The following CMKLR1 variants were observed in gnomAD, a reference collection of about 807,000 sequenced individuals.
CMKLR1 encodes the protein chemerin-like receptor 1.
In CMKLR1, 6 loss-of-function variants were observed where a neutral mutation model predicts 8.2. The ratio of observed to expected loss-of-function variants is 0.73; its 90% CI spans 0.40 to 1.44. The LOEUF (loss-of-function observed/expected upper bound fraction) is 1.44, where lower values mean the gene tolerates loss of function less well. CMKLR1 is among the 40% of genes most tolerant of loss of function. CMKLR1 has a pLI of 0.02. For missense variants in CMKLR1, 429 were observed against 478.0 expected, an observed-to-expected ratio of 0.90 and a Z score of 0.96; for synonymous variants, 178 against 181.2, an observed-to-expected ratio of 0.98 and a Z score of 0.14.
chr12:108,335,647 C>G (rs1166587705), intron 1 of CMKLR1, among the ~76,000 whole-genome samples: 1 of 152,216 alleles, frequency 6.6e-6, no homozygotes, highest in Non-Finnish European at 1.5e-5. Flanking sequence ...CAAGGTCACA[C>G]AGTAAGCTCA....
intron 2 of CMKLR1, among the ~76,000 whole-genome samples, chr12:108,299,556 GA>G (rs1808270551): frequency 6.6e-6 from 1 of 152,136 alleles, no homozygotes; most frequent in Non-Finnish European, 1.5e-5. Context: ...CTTTGTTTGG[GA>G]AAAGGGTCTT....
intron 2 of CMKLR1, among the ~76,000 whole-genome samples, chr12:108,311,582 C>T (rs774552858): frequency 3.9e-5 from 6 of 152,204 alleles, no homozygotes; most frequent in Non-Finnish European, 5.9e-5. Context: ...GCTATGATTG[C>T]ACCACTGCGC....
chr12:108,316,295 C>T (rs894095467), intron 2 of CMKLR1, among the ~76,000 whole-genome samples: 7 of 152,146 alleles, frequency 4.6e-5, no homozygotes, highest in Non-Finnish European at 8.8e-5. Flanking sequence ...AGGGCAGGGG[C>T]TCGGCGGGAT....
rs115997139 is a variant in CMKLR1, at chr12:108,303,124, G to C, written c.-73-9460C>G. ...GGGGGCCAAACATGCAGCCCTCAGA[G>C]CTCCACCCGTTTTCCCCGTTAGGCG... On this transcript the variant is annotated intron_variant, in intron 2 of 3. Transcript: ENST00000550402. Among the ~76,000 whole-genome samples the C allele has an allele frequency of 4.0e-3, 608 of 152,320 alleles. 3 individuals are homozygous for C. The highest frequency in any genetic ancestry group is 0.013 in the African/African-American group (561 of 41,588).
At chr12:108,332,143 C>T (rs1892123317) in intron 1 of CMKLR1, among the ~76,000 whole-genome samples, 1 of 152,158 alleles carries the variant, frequency 6.6e-6, no homozygotes, top group African/African-American at 2.4e-5. Flanking sequence ...CTACTCCAGG[C>T]CAAAGAACAT....
chr12:108,310,840 G>A (rs977656563), intron 2 of CMKLR1, among the ~76,000 whole-genome samples: 1 of 152,120 alleles, frequency 6.6e-6, no homozygotes, highest in Non-Finnish European at 1.5e-5. Flanking sequence ...TCAGCAAGGC[G>A]GGTAGGCAGA....
chr12:108,332,031 T>A (rs1003703832), intron 1 of CMKLR1, among the ~76,000 whole-genome samples: 4 of 152,204 alleles, frequency 2.6e-5, no homozygotes, highest in African/African-American at 7.2e-5. Context: ...CACTCAGGAA[T>A]TCATAGATTC....
intron 1 of CMKLR1, among the ~76,000 whole-genome samples, chr12:108,332,002 G>C (rs933933750): frequency 6.6e-6 from 1 of 152,186 alleles, no homozygotes; most frequent in East Asian, 1.9e-4. Flanking sequence ...CTTGCTACCT[G>C]AATTCTTACT....
intron 2 of CMKLR1, among the ~76,000 whole-genome samples, chr12:108,328,555 A>C (rs1352379169): frequency 6.6e-6 from 1 of 152,220 alleles, no homozygotes; most frequent in Non-Finnish European, 1.5e-5. Flanking sequence ...GGTCTGGAGA[A>C]AGCGGAGCAG....
At chr12:108,317,741 T>C (rs1196544743) in intron 2 of CMKLR1, 1 of 152,230 alleles carries the variant, frequency 6.6e-6, no homozygotes, top group Non-Finnish European at 1.5e-5. Flanking sequence ...TGAATTTAAA[T>C]TGCTGACCAG....
chr12:108,307,177 G>T (rs1891431565), intron 2 of CMKLR1, among the ~76,000 whole-genome samples: 1 of 152,222 alleles, frequency 6.6e-6, no homozygotes. Context: ...TGAACACATT[G>T]TAGCCAAAGG....
At chr12:108,324,742 G>A (rs933540684) in intron 2 of CMKLR1, among the ~76,000 whole-genome samples, 2 of 152,204 alleles carry the variant, frequency 1.3e-5, no homozygotes, top group African/African-American at 4.8e-5. Context: ...CTAAGGGAAA[G>A]AGATCCTATT....
chr12:108,314,149 C>T (rs1891658422), intron 2 of CMKLR1, among the ~76,000 whole-genome samples: 1 of 152,122 alleles, frequency 6.6e-6, no homozygotes, highest in South Asian at 2.1e-4. Context: ...TCAAAAGAGG[C>T]TCACTTATAC....
In CMKLR1 at chr12:108,314,276, T is replaced by C. The variant is rs1427815717; in HGVS notation, c.-74+15719A>G. Among the ~76,000 whole-genome samples, 4 of 152,186 alleles carry C rather than the reference T, an allele frequency of 2.6e-5. No homozygotes were observed. The East Asian group carries it at 7.7e-4, about 29-fold the overall frequency. On this transcript the variant is annotated intron_variant, in intron 2 of 3. Transcript: ENST00000550402. Reference sequence around the variant, plus strand: ...GAAGTTCCTAGACACTGACAGTGGCTGGACCATACACTGGAACCCCAGCTT... The same window carrying C: ...GAAGTTCCTAGACACTGACAGTGGCCGGACCATACACTGGAACCCCAGCTT...
intron 1 of CMKLR1, among the ~76,000 whole-genome samples, chr12:108,336,732 C>T (rs766067087): frequency 1.3e-5 from 2 of 152,244 alleles, no homozygotes; most frequent in South Asian, 2.1e-4. Context: ...GGAATAAGAG[C>T]ATTAATAATC....
chr12:108,302,399 T>C (rs1891301419), intron 2 of CMKLR1, among the ~76,000 whole-genome samples: 1 of 152,206 alleles, frequency 6.6e-6, no homozygotes, highest in Admixed American at 6.5e-5. Flanking sequence ...TTTGGATATG[T>C]CTTCTTTCCC....
chr12:108,315,233 C>T (rs1891692027), intron 2 of CMKLR1, among the ~76,000 whole-genome samples: 2 of 152,302 alleles, frequency 1.3e-5, no homozygotes, highest in South Asian at 2.1e-4. Flanking sequence ...CAAACACAGT[C>T]TTTCTCCACA....
chr12:108,310,432 C>G (rs983341117), intron 2 of CMKLR1, among the ~76,000 whole-genome samples: 2 of 152,244 alleles, frequency 1.3e-5, no homozygotes, highest in East Asian at 3.9e-4. Flanking sequence ...GCCTGGTGAA[C>G]TGAGGATCCT....
chr12:108,323,937 A>T (rs1446419664), intron 2 of CMKLR1, among the ~76,000 whole-genome samples: 1 of 152,198 alleles, frequency 6.6e-6, no homozygotes, highest in Non-Finnish European at 1.5e-5. Context: ...AGGACCTCTG[A>T]TAAGAGGCAC....
Sources: allele counts gnomAD v4.1 joint callset (sites outside exome capture counted in the v4.1 genomes callset), GRCh38; gene constraint gnomAD v4.1.1; transcripts MANE v1.5; gene names NCBI Gene and HGNC (gene_info 2026-07-23, HGNC 2026-07-21).